IKBIP: variants seen among roughly 807,000 people sequenced by gnomAD.
IKBIP encodes the protein inhibitor of nuclear factor kappa-B kinase-interacting protein.
IKBIP carries 28 observed loss-of-function variants against 31.0 expected under a neutral mutation model. That is an observed-to-expected ratio of 0.90 (90% CI 0.67 to 1.24). IKBIP has a LOEUF of 1.24. Among genes scored for constraint, IKBIP ranks in the 50% most tolerant of loss-of-function variants. IKBIP has a pLI of 0.00. For synonymous variants in IKBIP, 164 were observed against 160.3 expected (o/e 1.02, Z -0.17); for missense variants, 453 against 441.9 (o/e 1.03, Z -0.23).
chr12:98,633,787 G>A (rs1248260228), intron 2 of IKBIP, among the ~76,000 whole-genome samples: 2 of 152,004 alleles, frequency 1.3e-5, no homozygotes, highest in Non-Finnish European at 2.9e-5. Context: ...ACAGTGCTGG[G>A]ATTAAAGGCA....
At position 98,644,738 on chromosome 12, in the gene IKBIP, T is replaced by G; in HGVS notation, c.-37A>C. Reference sequence around the variant, plus strand: ...CTAGGACGACAAGCCCAGGGCAGCTTCTTCACCAGGGGGAGCAGGACGTGG... The same window carrying G: ...CTAGGACGACAAGCCCAGGGCAGCTGCTTCACCAGGGGGAGCAGGACGTGG... On this transcript the variant is annotated 5_prime_UTR_variant, in exon 1 of 3. Transcript: ENST00000299157. The G allele has an allele frequency of 1.9e-6, 3 of 1,573,452 alleles. No homozygotes were observed. Among genetic ancestry groups the G allele is most frequent in the Non-Finnish European group, 2.6e-6 (3 of 1,167,006 alleles).
At chr12:98,640,242 G>A (rs2097629232) in intron 1 of IKBIP, among the ~76,000 whole-genome samples, 1 of 152,086 alleles carries the variant, frequency 6.6e-6, no homozygotes. Context: ...TTTGACACCA[G>A]CTTGACCAAT....
chr12:98,625,158 G>T lies in IKBIP; in HGVS notation c.*772C>A, dbSNP rs1026270610. 1.3e-5 allele frequency: 13 copies of T among 985,184 alleles called. No homozygotes were observed. Among genetic ancestry groups the T allele is most frequent in the Non-Finnish European group, 1.6e-5 (13 of 829,764 alleles). 61.0% of individuals were successfully genotyped at this position (985,184 alleles called of 1,614,324 possible). ...ATCTAGCAAACTCATGTCTAACACA[G>T]TTGGAACCTAAAACTCAGGTATATA... On this transcript the variant is annotated 3_prime_UTR_variant, in exon 3 of 3. Coordinates refer to ENST00000299157, the MANE Select transcript of IKBIP (RefSeq NM_153687.4).
chr12:98,633,057 T>C (rs571992469), intron 2 of IKBIP, among the ~76,000 whole-genome samples: 41 of 152,296 alleles, frequency 2.7e-4, no homozygotes, highest in African/African-American at 8.9e-4. Context: ...CCATGGCTTT[T>C]CTCTTCTGGA....
At chr12:98,622,961 A>G (rs2097611237), downstream of IKBIP, among the ~76,000 whole-genome samples, 1 of 151,230 alleles carries the variant, frequency 6.6e-6, no homozygotes, top group Admixed American at 6.6e-5. Flanking sequence ...TCCTGTTAAC[A>G]TTAAAAAAAT....
chr12:98,616,807 T>C (rs1002310522), intron 2 of IKBIP, among the ~76,000 whole-genome samples: 16 of 152,196 alleles, frequency 1.1e-4, no homozygotes, highest in African/African-American at 3.9e-4. Context: ...CTTGTAGAAG[T>C]ATTTCTGGGC....
intron 2 of IKBIP, among the ~76,000 whole-genome samples, chr12:98,633,958 C>A (rs1005586965): frequency 6.6e-6 from 1 of 152,270 alleles, no homozygotes; most frequent in African/African-American, 2.4e-5. Flanking sequence ...CAGATGAGAT[C>A]GAGCGCATTC....
In IKBIP at chr12:98,625,452, T is replaced by A; in HGVS notation, c.*478A>T. The A allele has an allele frequency of 3.5e-6, 1 of 289,278 alleles. No homozygotes were observed. The highest frequency in any genetic ancestry group is 5.2e-6 in the Non-Finnish European group (1 of 193,556). 17.9% of individuals were successfully genotyped at this position (289,278 alleles called of 1,614,324 possible). A position where few individuals can be genotyped will look rare whatever the true frequency, so the allele number is the denominator to read the frequency against. The stretch of plus-strand genomic sequence containing the variant: ...TGTGGATTCTTAACCTGCAGTGAAT[T>A]ACCTAAGAAAGTGAACTGGCTGAGG... On this transcript the variant is annotated 3_prime_UTR_variant, in exon 3 of 3. Coordinates refer to ENST00000299157, the MANE Select transcript of IKBIP (RefSeq NM_153687.4).
At chr12:98,631,878 T>A (rs2097620434) in intron 2 of IKBIP, among the ~76,000 whole-genome samples, 1 of 151,632 alleles carries the variant, frequency 6.6e-6, no homozygotes, top group African/African-American at 2.4e-5. Context: ...TTTATTGAGA[T>A]GGAGTCTCAC....
At chr12:98,644,146 G>C (rs2097635040) in intron 1 of IKBIP, among the ~76,000 whole-genome samples, 1 of 152,196 alleles carries the variant, frequency 6.6e-6, no homozygotes, top group Non-Finnish European at 1.5e-5. Context: ...GGGTGGGGCA[G>C]ATGTGTCCCG....
rs1189407451 is a variant in IKBIP at position 98,625,061 on chromosome 12, C to T, written c.*869G>A. 1.2e-6 allele frequency: 1 copy of T among 858,248 alleles called. No homozygotes were observed. Among genetic ancestry groups the T allele is most frequent in the Non-Finnish European group, 1.4e-6 (1 of 714,268 alleles). 53.2% of individuals were successfully genotyped at this position (858,248 alleles called of 1,614,324 possible). On this transcript the variant is annotated 3_prime_UTR_variant, in exon 3 of 3. Transcript: ENST00000299157. ...CTTCGTGATCTGCCCACCTCGGCCTCCCAAAGTGCTAGGATTACAGGTGTG... is the reference window on the plus strand; with the variant it reads ...CTTCGTGATCTGCCCACCTCGGCCTTCCAAAGTGCTAGGATTACAGGTGTG...
At chr12:98,620,152 C>G (rs1473151882), downstream of IKBIP, among the ~76,000 whole-genome samples, 1 of 148,688 alleles carries the variant, frequency 6.7e-6, no homozygotes, top group East Asian at 2.0e-4. Context: ...AACTCCTGAC[C>G]TCAAGTAATC....
chr12:98,630,837 T>C (rs1268604475), intron 2 of IKBIP, among the ~76,000 whole-genome samples: 1 of 152,240 alleles, frequency 6.6e-6, no homozygotes, highest in East Asian at 1.9e-4. Context: ...TGCTGCCCTT[T>C]AGGGCCACCT....
Position 98,626,704 on chromosome 12 carries a change from A to T in IKBIP, c.360T>A (p.Phe120Leu), listed in dbSNP as rs2097614857. ...ATSSMSLMTQ[F>L]EQEVSNLQDI... The stretch of plus-strand genomic sequence containing the variant: ...CTTGGAGGTTGGATACTTCCTGCTC[A>T]AACTGGGTCATCAAAGACATGGATG... The change falls in exon 3 of 3, where the codon TTT (phenylalanine) becomes TTA (leucine). Residue 120 changes from phenylalanine to leucine, a missense_variant. Transcript: ENST00000299157. 4 of 1,613,806 alleles carry T rather than the reference A, an allele frequency of 2.5e-6. No homozygotes were observed. Among genetic ancestry groups the T allele is most frequent in the Non-Finnish European group, 3.4e-6 (4 of 1,179,966 alleles).
intron 2 of IKBIP, among the ~76,000 whole-genome samples, chr12:98,614,802 G>C (rs2097605365): frequency 6.6e-6 from 1 of 152,190 alleles, no homozygotes; most frequent in African/African-American, 2.4e-5. Flanking sequence ...TCAGAAGTAA[G>C]AGAATTTAGA....
At chr12:98,622,256 T>C (rs868080210), downstream of IKBIP, among the ~76,000 whole-genome samples, 6 of 152,242 alleles carry the variant, frequency 3.9e-5, no homozygotes, top group Middle Eastern at 3.4e-3. Context: ...CTGGGTATGG[T>C]GGCTTACACC....
rs534500710 is a variant in IKBIP, at chr12:98,626,252, G to C, written c.812C>G (p.Thr271Arg). 1.6e-4 allele frequency: 251 copies of C among 1,614,104 alleles called. 4 individuals carry two copies. The South Asian group carries it at 2.4e-3, about 15-fold the overall frequency. The part of the protein sequence containing the change: ...DYEPKVEECK[T>R]HLPTIESAIH... ...AGCACTTTCAATTGTTGGCAAATGT[G>C]TCTTGCATTCTTCAACTTTGGGTTC... The change falls in exon 3 of 3, where the codon ACA becomes AGA. Residue 271 changes from threonine (T) to arginine (R), a missense_variant. By Grantham distance (71) the Thr-to-Arg change is moderately conservative (BLOSUM62 -1). Transcript: ENST00000299157.
At position 98,614,082 on chromosome 12, in the gene IKBIP, C is replaced by G. The variant is rs1392008128; in HGVS notation, c.556G>C (p.Val186Leu). The change falls in exon 3 of 3, where the codon GTA becomes CTA. Residue 186 changes from valine (V) to leucine (L), a missense_variant. Transcript: ENST00000342502. ...TCTGTCAATGATATTACATCAGTTA[C>G]TAAACCTGAAATCCGTCGTATATCT... 14 of 1,612,824 alleles carry G rather than the reference C, an allele frequency of 8.7e-6. No homozygotes were observed. The East Asian group carries it at 2.9e-4, about 33-fold the overall frequency.
At chr12:98,615,426 A>C (rs1259768183) in intron 2 of IKBIP, among the ~76,000 whole-genome samples, 1 of 152,066 alleles carries the variant, frequency 6.6e-6, no homozygotes, top group Non-Finnish European at 1.5e-5. Flanking sequence ...ACAGGGTTTC[A>C]CCATGTTGAC....
Sources: allele counts gnomAD v4.1 joint callset (sites outside exome capture counted in the v4.1 genomes callset), GRCh38; gene constraint gnomAD v4.1.1; transcripts MANE v1.5; gene names NCBI Gene and HGNC (gene_info 2026-07-23, HGNC 2026-07-21).